HIVEP1: variants seen among roughly 807,000 people sequenced by gnomAD.
HIVEP1 encodes HIVEP zinc finger 1, also known as zinc finger protein 40.
HIVEP1 carries 36 observed loss-of-function variants against 180.0 expected under a neutral mutation model. The ratio of observed to expected loss-of-function variants is 0.20; its 90% CI spans 0.15 to 0.26. The LOEUF (loss-of-function observed/expected upper bound fraction) is 0.26, where lower values mean the gene tolerates loss of function less well. Among genes scored for constraint, HIVEP1 ranks in the 10% least tolerant of loss-of-function variants. The pLI, the probability that HIVEP1 is intolerant of heterozygous loss-of-function variation, is 1.00. For missense variants in HIVEP1, 3,143 were observed against 3,268.7 expected, an observed-to-expected ratio of 0.96 and a Z score of 0.94; for synonymous variants, 1,239 against 1,239.0, an observed-to-expected ratio of 1.00 and a Z score of 0.00.
the HIVEP1 span, among the ~76,000 whole-genome samples, chr6:12,208,428 C>T: frequency 6.6e-6 from 1 of 152,094 alleles, no homozygotes; most frequent in African/African-American, 2.4e-5. Context: ...ACTGGAGTCT[C>T]ATAACCAGAC....
At chr6:12,037,813 T>G (rs1344757703) in intron 2 of HIVEP1, 1 of 429,450 alleles carries the variant, frequency 2.3e-6, no homozygotes. Context: ...CTAAGGCTTG[T>G]CCCCTTCCTG....
At chr6:12,032,704 G>A (rs769188572) in intron 2 of HIVEP1, among the ~76,000 whole-genome samples, 3 of 152,068 alleles carry the variant, frequency 2.0e-5, no homozygotes, top group East Asian at 1.9e-4. Flanking sequence ...TTCAGCAAAC[G>A]TTTGTTTACC....
At chr6:12,163,225 A>G in intron 8 of HIVEP1, 58 bp from the exon 9 acceptor site, 1 of 1,245,726 alleles carries the variant, frequency 8.0e-7, no homozygotes, top group South Asian at 1.4e-5. Flanking sequence ...CACTAGCTTT[A>G]TATCTCAGTG....
chr6:12,191,259 A>T, the HIVEP1 span, among the ~76,000 whole-genome samples: 6 of 152,208 alleles, frequency 3.9e-5, no homozygotes, highest in Non-Finnish European at 7.3e-5. Context: ...GTCTACATTG[A>T]TTTGTTAAAA....
At chr6:12,185,968 T>G in the HIVEP1 span, among the ~76,000 whole-genome samples, 1 of 152,182 alleles carries the variant, frequency 6.6e-6, no homozygotes. Context: ...TAAAAACATA[T>G]CTACACAGAG....
intron 5 of HIVEP1, among the ~76,000 whole-genome samples, chr6:12,130,145 C>T (rs1290665529): frequency 1.3e-5 from 2 of 152,096 alleles, no homozygotes; most frequent in Non-Finnish European, 2.9e-5. Context: ...TTAGAGTGAA[C>T]CTTGGTTTTC....
Position 12,099,367 on chromosome 6 carries a change from C to T in HIVEP1, c.94+10130C>T, listed in dbSNP as rs998112387. ...AGTTTTAGTAGAGACGGGGTTTCAC[C>T]GTTTTAGCCGGGATGGTCTCGATCT... On this transcript the variant is annotated intron_variant, in intron 3 of 8. Transcript: ENST00000379388. Among the ~76,000 whole-genome samples the T allele has an allele frequency of 2.8e-4, 42 of 151,810 alleles. 1 individual carries two copies. The highest frequency in any genetic ancestry group is 5.0e-4 in the Non-Finnish European group (34 of 67,972).
rs1758039011 is a variant in HIVEP1 at position 12,125,871 on chromosome 6, G to A, written c.6075+1G>A. The A allele has an allele frequency of 6.4e-7, 1 of 1,560,732 alleles. No individual in the cohort carries two copies. Among genetic ancestry groups the A allele is most frequent in the Non-Finnish European group, 8.7e-7 (1 of 1,147,360 alleles). On this transcript the variant is annotated splice_donor_variant, in intron 4 of 8. Transcript: ENST00000379388. LOFTEE classifies it high-confidence loss of function. Reference sequence around the variant, plus strand: ...CAAGTGGAAAAGCAGCTTAAGCAAGGTACTTGAAATATAATTTATCTTCAG... The same window carrying A: ...CAAGTGGAAAAGCAGCTTAAGCAAGATACTTGAAATATAATTTATCTTCAG...
the HIVEP1 span, among the ~76,000 whole-genome samples, chr6:12,182,146 G>A: frequency 6.6e-6 from 1 of 152,108 alleles, no homozygotes; most frequent in Non-Finnish European, 1.5e-5. Context: ...TACAAAGATA[G>A]CATGAAAAAT....
rs1049326960 is a variant in HIVEP1, at chr6:12,124,925, T to C, written c.5130T>C (p.Phe1710=). The C allele has an allele frequency of 1.9e-5, 31 of 1,614,026 alleles. No homozygotes were observed. Among genetic ancestry groups the C allele is most frequent in the Non-Finnish European group, 2.6e-5 (31 of 1,180,002 alleles). ...PEKEFLCENV[F]SEMSQNSSLS... is the part of the protein sequence containing the mutation. ...AGGAATTTCTATGTGAAAATGTTTT[T>C]TCAGAGATGAGCCAAAATTCTTCTC... Residue 1710 remains phenylalanine, a synonymous_variant, in exon 4 of 9, where the codon TTT becomes TTC. Transcript: ENST00000379388.
At chr6:12,083,457 A>G (rs919626078) in intron 2 of HIVEP1, among the ~76,000 whole-genome samples, 3 of 152,122 alleles carry the variant, frequency 2.0e-5, no homozygotes, top group African/African-American at 4.8e-5. Flanking sequence ...CCTGGCAACT[A>G]TGTGCTCTGT....
intron 2 of HIVEP1, among the ~76,000 whole-genome samples, chr6:12,025,800 G>A (rs914171156): frequency 1.3e-5 from 2 of 152,190 alleles, no homozygotes; most frequent in Non-Finnish European, 2.9e-5. Context: ...AGCACTTTGG[G>A]AGGCCGAAGC....
chr6:12,040,271 A>G, intron 2 of HIVEP1, among the ~76,000 whole-genome samples: 1 of 152,152 alleles, frequency 6.6e-6, no homozygotes, highest in South Asian at 2.1e-4. Flanking sequence ...GGTGGTGCAA[A>G]TCTTTTATGA....
the HIVEP1 span, among the ~76,000 whole-genome samples, chr6:12,178,878 G>A: frequency 6.6e-6 from 1 of 152,290 alleles, no homozygotes; most frequent in East Asian, 1.9e-4. Context: ...ATAAACGACA[G>A]TATTTTCCTT....
At chr6:12,152,936 T>G (rs1450263588) in intron 7 of HIVEP1, among the ~76,000 whole-genome samples, 4 of 152,244 alleles carry the variant, frequency 2.6e-5, no homozygotes. Context: ...AAATAGTTTT[T>G]ACGTACATAA....
intron 3 of HIVEP1, among the ~76,000 whole-genome samples, chr6:12,118,564 A>G (rs1432521805): frequency 6.6e-6 from 1 of 152,204 alleles, no homozygotes; most frequent in African/African-American, 2.4e-5. Flanking sequence ...AGGTGATTTC[A>G]TTTCTCTTGC....
At chr6:12,090,672 G>A (rs896426933) in intron 3 of HIVEP1, among the ~76,000 whole-genome samples, 2 of 150,398 alleles carry the variant, frequency 1.3e-5, no homozygotes, top group Non-Finnish European at 2.9e-5. Flanking sequence ...AACGCATGAG[G>A]CATTTGAGAC....
chr6:12,070,342 C>T (rs1214280184), intron 2 of HIVEP1, among the ~76,000 whole-genome samples: 2 of 152,134 alleles, frequency 1.3e-5, no homozygotes, highest in Non-Finnish European at 1.5e-5. Flanking sequence ...ACCACAAATA[C>T]GTGATGACTG....
At chr6:12,126,279 A>G (rs775505287) in intron 4 of HIVEP1, among the ~76,000 whole-genome samples, 20 of 151,986 alleles carry the variant, frequency 1.3e-4, no homozygotes, top group Non-Finnish European at 2.2e-4. Context: ...AGATAATCAA[A>G]GATAGTTGTA....
Sources: gnomAD v4.1 joint callset for allele counts (sites outside exome capture counted in the v4.1 genomes callset) on GRCh38, gnomAD v4.1.1 for gene constraint, MANE v1.5 for transcripts, NCBI Gene and HGNC (gene_info 2026-07-23, HGNC 2026-07-21) for gene names.